Variants in CFAP299 observed in about 807,000 individuals in gnomAD.
CFAP299 encodes cilia and flagella associated protein 299, also known as cilia- and flagella-associated protein 299.
In CFAP299, 21 loss-of-function variants were observed where a neutral mutation model predicts 27.0. The ratio of observed to expected loss-of-function variants is 0.78; its 90% CI spans 0.55 to 1.12. The LOEUF (loss-of-function observed/expected upper bound fraction) is 1.12, where lower values mean the gene tolerates loss of function less well. Ranked by LOEUF, CFAP299 falls within the 50% of genes most tolerant of loss-of-function variation. CFAP299 has a pLI of 0.00. For synonymous variants in CFAP299, 104 were observed against 98.1 expected (o/e 1.06, Z -0.36); for missense variants, 310 against 276.6 (o/e 1.12, Z -0.86).
chr4:80,648,843 A>G (rs1221887333), intron 3 of CFAP299: 7 of 152,156 alleles, frequency 4.6e-5, no homozygotes, highest in Non-Finnish European at 8.8e-5. Context: ...GATCTATAAA[A>G]GTTTTCATCT....
intron 1 of CFAP299, among the ~76,000 whole-genome samples, chr4:80,346,316 TG>T (rs1362023291): frequency 1.3e-5 from 2 of 152,238 alleles, no homozygotes; most frequent in Admixed American, 1.3e-4. Flanking sequence ...TTGTTGCCAT[TG>T]CTTTTGGTGT....
chr4:80,386,347 C>T (rs1245608917), intron 2 of CFAP299: 8 of 1,402,052 alleles, frequency 5.7e-6, no homozygotes, highest in South Asian at 3.7e-5. Context: ...GAAAGCTCCG[C>T]GTTCAGCTCT....
intron 2 of CFAP299, among the ~76,000 whole-genome samples, chr4:80,488,454 C>CA (rs1326922911): frequency 2.0e-5 from 3 of 149,938 alleles, no homozygotes; most frequent in African/African-American, 7.4e-5. Flanking sequence ...AAACAACAAA[C>CA]AAAATAGCAT....
rs80091874 is a variant in CFAP299 at position 80,585,688 on chromosome 4, A to C, written c.333+2505A>C. ...AAATGGTTAATGTGATCAGACATGC[A>C]ACTTAAGAGTACACTGGCAGCAGTA... On this transcript the variant is annotated intron_variant, in intron 3 of 5. Transcript: ENST00000358105. Among the ~76,000 whole-genome samples, 1,036 of 152,228 alleles carry C rather than the reference A, an allele frequency of 6.8e-3. 13 individuals are homozygous for C. Among genetic ancestry groups the C allele is most frequent in the African/African-American group, 0.024 (995 of 41,540 alleles).
At chr4:80,341,397 C>T (rs1722444650) in intron 1 of CFAP299, among the ~76,000 whole-genome samples, 1 of 152,176 alleles carries the variant, frequency 6.6e-6, no homozygotes, top group African/African-American at 2.4e-5. Context: ...GGTCTCTCAA[C>T]AGGGGTCTCC....
At chr4:80,784,226 C>T (rs983786969) in intron 3 of CFAP299, among the ~76,000 whole-genome samples, 3 of 152,068 alleles carry the variant, frequency 2.0e-5, no homozygotes, top group African/African-American at 7.2e-5. Flanking sequence ...AAATATAGTC[C>T]TTTGTGTATA....
At chr4:80,493,220 G>T (rs914417580) in intron 2 of CFAP299, among the ~76,000 whole-genome samples, 2 of 152,120 alleles carry the variant, frequency 1.3e-5, no homozygotes, top group Admixed American at 1.3e-4. Flanking sequence ...AAAAGAAATA[G>T]CACTTGAATA....
chr4:80,918,542 G>A (rs879283850), intron 4 of CFAP299, among the ~76,000 whole-genome samples: 2 of 152,034 alleles, frequency 1.3e-5, no homozygotes, highest in Non-Finnish European at 2.9e-5. Flanking sequence ...GAGAGAGAAA[G>A]AGAAAGGAGA....
intron 2 of CFAP299, among the ~76,000 whole-genome samples, chr4:80,493,742 C>G (rs775386496): frequency 7.3e-6 from 1 of 137,898 alleles, no homozygotes; most frequent in Non-Finnish European, 1.6e-5. Flanking sequence ...ATATCTGTCT[C>G]TTTTCTATCT....
chr4:80,895,558 T>C (rs1039821506), intron 4 of CFAP299, among the ~76,000 whole-genome samples: 1 of 151,980 alleles, frequency 6.6e-6, no homozygotes, highest in Non-Finnish European at 1.5e-5. Context: ...TTGCAGAAAA[T>C]ATATATATAA....
chr4:80,352,766 C>T (rs1723076292), intron 1 of CFAP299, among the ~76,000 whole-genome samples: 1 of 151,744 alleles, frequency 6.6e-6, no homozygotes, highest in Admixed American at 6.6e-5. Flanking sequence ...AGGAATATAC[C>T]CCTCAAATTC....
At chr4:80,924,996 G>A (rs1006416893) in intron 4 of CFAP299, among the ~76,000 whole-genome samples, 4 of 151,788 alleles carry the variant, frequency 2.6e-5, no homozygotes, top group Non-Finnish European at 4.4e-5. Flanking sequence ...GGACATTTAT[G>A]GCACACATTT....
chr4:80,875,664 C>CAA (rs199860402), intron 4 of CFAP299, among the ~76,000 whole-genome samples: 1,261 of 90,722 alleles, frequency 0.014, 23 homozygotes, highest in African/African-American at 0.044. Context: ...AACTCTGTCT[C>CAA]AAAAAAAAAA....
intron 3 of CFAP299, among the ~76,000 whole-genome samples, chr4:80,688,617 ACT>A (rs1182462920): frequency 6.6e-6 from 1 of 152,194 alleles, no homozygotes; most frequent in African/African-American, 2.4e-5. Context: ...AAAACTGGAA[ACT>A]CTAAAAAGCA....
At chr4:80,572,689 T>G (rs1735653223) in intron 2 of CFAP299, among the ~76,000 whole-genome samples, 1 of 151,710 alleles carries the variant, frequency 6.6e-6, no homozygotes, top group African/African-American at 2.4e-5. Context: ...GGCTAATTTT[T>G]TTTATCTTTA....
the CFAP299 span, among the ~76,000 whole-genome samples, chr4:80,326,942 AT>A: frequency 2.0e-5 from 3 of 152,032 alleles, no homozygotes; most frequent in Non-Finnish European, 4.4e-5. Context: ...TAAAACTTGC[AT>A]TTTTTTCATC....
intron 3 of CFAP299, among the ~76,000 whole-genome samples, chr4:80,611,653 A>G (rs968859958): frequency 3.3e-5 from 5 of 152,090 alleles, no homozygotes; most frequent in African/African-American, 1.2e-4. Context: ...GGTTCAAATC[A>G]AAATTGCAAT....
At chr4:80,328,480 G>A in the CFAP299 span, among the ~76,000 whole-genome samples, 1 of 146,392 alleles carries the variant, frequency 6.8e-6, no homozygotes, top group Non-Finnish European at 1.5e-5. Flanking sequence ...AAGAACAAGT[G>A]TAGATAGGGT....
chr4:80,853,920 G>A (rs1285868730), intron 3 of CFAP299, among the ~76,000 whole-genome samples: 1 of 152,008 alleles, frequency 6.6e-6, no homozygotes, highest in African/African-American at 2.4e-5. Flanking sequence ...AGAGAAGAGA[G>A]AAAAGAATAT....
Sources: gnomAD v4.1 joint callset for allele counts (sites outside exome capture counted in the v4.1 genomes callset) on GRCh38, gnomAD v4.1.1 for gene constraint, MANE v1.5 for transcripts, NCBI Gene and HGNC (gene_info 2026-07-23, HGNC 2026-07-21) for gene names.